Variants in SLAIN2 observed in about 807,000 individuals in gnomAD.
SLAIN2 encodes SLAIN motif-containing protein 2.
SLAIN2 carries 31 observed loss-of-function variants against 56.6 expected under a neutral mutation model. The ratio of observed to expected loss-of-function variants is 0.55; its 90% CI spans 0.41 to 0.74. The LOEUF (loss-of-function observed/expected upper bound fraction) is 0.74. Among genes scored for constraint, SLAIN2 ranks in the 30% least tolerant of loss-of-function variants. SLAIN2 has a pLI of 0.00. For missense variants in SLAIN2, 777 were observed against 754.2 expected, an observed-to-expected ratio of 1.03 and a Z score of -0.35; for synonymous variants, 317 against 284.9, an observed-to-expected ratio of 1.11 and a Z score of -1.13.
At chr4:48,420,103 GT>G (rs775170051) in intron 6 of SLAIN2, 21 bp from the exon 7 acceptor site, 1 of 1,610,142 alleles carries the variant, frequency 6.2e-7, no homozygotes, top group East Asian at 2.2e-5. Flanking sequence ...TCAAAAATTG[GT>G]TTTTCTTTGC....
At position 48,383,632 on chromosome 4, in the gene SLAIN2, A is replaced by C. The variant is rs1462754212; in HGVS notation, c.1223-15A>C. On this transcript the variant is annotated splice_polypyrimidine_tract_variant and intron_variant, in intron 5 of 7. Coordinates refer to ENST00000264313, the MANE Select transcript of SLAIN2 (RefSeq NM_020846.2). ...GAAAGAATATGATTTTTTTAAAATT[A>C]AAATTCTGTTGCAGAAAAACTAAGA... 1.3e-6 allele frequency: 2 copies of C among 1,493,972 alleles called. No individual in the cohort carries two copies. The highest frequency in any genetic ancestry group is 2.7e-5 in the South Asian group (2 of 73,290). 92.5% of individuals were successfully genotyped at this position (1,493,972 alleles called of 1,614,324 possible). A position where few individuals can be genotyped will look rare whatever the true frequency, so the allele number is the denominator to read the frequency against.
At chr4:48,360,981 C>T (rs1362735240) in intron 1 of SLAIN2, among the ~76,000 whole-genome samples, 1 of 152,170 alleles carries the variant, frequency 6.6e-6, no homozygotes, top group Non-Finnish European at 1.5e-5. Flanking sequence ...TAAATACCAA[C>T]TCAAAAAATT....
chr4:48,407,176 C>T (rs4459965), intron 6 of SLAIN2, among the ~76,000 whole-genome samples: 151,782 of 152,152 alleles, frequency 1, 75,709 homozygotes, highest in Middle Eastern at 1. Flanking sequence ...TGCCTTCTCT[C>T]GAATTATTTT....
chr4:48,380,190 C>G (rs1374431556), intron 4 of SLAIN2, among the ~76,000 whole-genome samples: 3 of 152,072 alleles, frequency 2.0e-5, no homozygotes, highest in Non-Finnish European at 4.4e-5. Flanking sequence ...TGTAAACCAG[C>G]GTTTCTCAAT....
intron 5 of SLAIN2, among the ~76,000 whole-genome samples, chr4:48,383,168 CAAAAAAAAA>C (rs34436951): frequency 1.0e-5 from 1 of 95,548 alleles, no homozygotes; most frequent in Non-Finnish European, 2.1e-5. Flanking sequence ...ATCCTGTTTT[CAAAAAAAAA>C]AAAAAAAAAA....
chr4:48,401,345 C>T (rs950402212), intron 6 of SLAIN2, among the ~76,000 whole-genome samples: 3 of 152,052 alleles, frequency 2.0e-5, no homozygotes, highest in Non-Finnish European at 2.9e-5. Flanking sequence ...TTTTCTGTCT[C>T]GATGTTCTGT....
intron 6 of SLAIN2, among the ~76,000 whole-genome samples, chr4:48,402,493 A>G (rs1716579936): frequency 6.6e-6 from 1 of 151,994 alleles, no homozygotes; most frequent in Non-Finnish European, 1.5e-5. Context: ...TGCCTGTCTT[A>G]TTTCAGAAAA....
intron 6 of SLAIN2, among the ~76,000 whole-genome samples, chr4:48,405,415 TTCTC>T (rs150048834): frequency 2.7e-5 from 4 of 150,620 alleles, no homozygotes; most frequent in African/African-American, 7.3e-5. Context: ...TCCATTTCTT[TTCTC>T]TCTCTCTCTC....
In SLAIN2 at chr4:48,420,390, T is replaced by G. The variant is rs767652930; in HGVS notation, c.1626T>G (p.Pro542=). ...GTGGCTTGCCCAGACCCAGTGCCCC[T>G]TCTGCTGGGGGCATACCAGTGCCTC... ...MRSGLPRPSA[P]SAGGIPVPRS... The change falls in exon 7 of 8, where the codon CCT becomes CCG. Residue 542 remains proline (P), a synonymous_variant. Transcript: ENST00000264313. 1 of 1,614,000 alleles carries G rather than the reference T, an allele frequency of 6.2e-7. No homozygotes were observed. The highest frequency in any genetic ancestry group is 1.1e-5 in the South Asian group (1 of 91,092).
At chr4:48,369,070 A>G (rs1390547180) in intron 1 of SLAIN2, among the ~76,000 whole-genome samples, 1 of 152,230 alleles carries the variant, frequency 6.6e-6, no homozygotes, top group Admixed American at 6.5e-5. Flanking sequence ...TGCTTCATAA[A>G]TTCCATTTAA....
chr4:48,394,203 C>T (rs1439039988), intron 6 of SLAIN2, among the ~76,000 whole-genome samples: 2 of 152,110 alleles, frequency 1.3e-5, no homozygotes, highest in Non-Finnish European at 2.9e-5. Flanking sequence ...GCTTTTTTTG[C>T]GTTGAACAAG....
chr4:48,385,998 C>T (rs1414838573), intron 6 of SLAIN2, among the ~76,000 whole-genome samples: 2 of 145,956 alleles, frequency 1.4e-5, no homozygotes, highest in African/African-American at 5.1e-5. Flanking sequence ...GTCCCAGCTA[C>T]TTAAGAGGCT....
Position 48,344,479 on chromosome 4 carries a change from G to C in SLAIN2, c.389+2351G>C, listed in dbSNP as rs544436147. 2.0e-5 allele frequency among the ~76,000 whole-genome samples: 3 copies of C among 152,334 alleles called. No individual in the cohort carries two copies. The East Asian group carries it at 5.8e-4, about 29-fold the overall frequency. ...TCAATAAGTGTTATGTAGAAAAAAAGTGGGTGGGTTCTGGGATGGAATAAA... is the reference window on the plus strand; with the variant it reads ...TCAATAAGTGTTATGTAGAAAAAAACTGGGTGGGTTCTGGGATGGAATAAA... On this transcript the variant is annotated intron_variant, in intron 1 of 7. Transcript: ENST00000264313.
rs1227031111 is a variant in SLAIN2 at position 48,341,874 on chromosome 4, G to T, written c.135G>T (p.Gly45=). 1 of 1,516,132 alleles carries T rather than the reference G, an allele frequency of 6.6e-7. No homozygotes were observed. The highest frequency in any genetic ancestry group is 8.8e-7 in the Non-Finnish European group (1 of 1,132,976). 93.9% of individuals were successfully genotyped at this position (1,516,132 alleles called of 1,614,324 possible). A position where few individuals can be genotyped will look rare whatever the true frequency, so the allele number is the denominator to read the frequency against. ...CCGTGCAGGGCGCCGGCTCCCTTGG[G>T]CCCGGCAGCCCGGTTCGGGCCGGCG... ...SGAVQGAGSL[G]PGSPVRAGAS... Residue 45 remains glycine (G), a synonymous_variant, in exon 1 of 8, where the codon GGG becomes GGT. Transcript: ENST00000264313.
intron 3 of SLAIN2, among the ~76,000 whole-genome samples, chr4:48,378,587 C>A (rs957825945): frequency 3.3e-5 from 5 of 152,198 alleles, no homozygotes; most frequent in African/African-American, 1.2e-4. Context: ...TCACAATTCA[C>A]CCATTTATTT....
chr4:48,386,090 GAAAAAAAA>G (rs763740224), intron 6 of SLAIN2, among the ~76,000 whole-genome samples: 1 of 76,842 alleles, frequency 1.3e-5, no homozygotes, highest in Non-Finnish European at 2.9e-5. Context: ...TCTATTGAAA[GAAAAAAAA>G]AAAAAAAAAA....
At position 48,356,373 on chromosome 4, in the gene SLAIN2, G is replaced by C. The variant is rs1455335973; in HGVS notation, c.390-13476G>C. ...TTAGTAATTGCTATCTATATATGCAGTTGTAGCTGAAAAGATCTGTACTAG... is the reference window on the plus strand; with the variant it reads ...TTAGTAATTGCTATCTATATATGCACTTGTAGCTGAAAAGATCTGTACTAG... On this transcript the variant is annotated intron_variant, in intron 1 of 7. Coordinates refer to ENST00000264313, the MANE Select transcript of SLAIN2 (RefSeq NM_020846.2). 3.3e-5 allele frequency among the ~76,000 whole-genome samples: 5 copies of C among 152,084 alleles called. No individual in the cohort carries two copies. The South Asian group carries it at 1.0e-3, about 32-fold the overall frequency.
In SLAIN2 at chr4:48,341,834, G is replaced by T; in HGVS notation, c.95G>T (p.Arg32Met). 1 of 1,529,566 alleles carries T rather than the reference G, an allele frequency of 6.5e-7. No homozygotes were observed. The highest frequency in any genetic ancestry group is 8.8e-7 in the Non-Finnish European group (1 of 1,138,532). The allele number at this position is 1,529,566 out of a possible 1,614,324, so 94.7% of individuals were successfully genotyped here. A position where few individuals can be genotyped will look rare whatever the true frequency, so the allele number is the denominator to read the frequency against. Reference protein sequence around the residue: ...KKLEKQNEQLRSRSGAVQGAG... With the variant: ...KKLEKQNEQLMSRSGAVQGAG... ...CTGGAGAAGCAGAACGAACAGCTGA[G>T]GAGCCGCTCGGGGGCCGTGCAGGGC... Residue 32 changes from arginine (R) to methionine (M), a missense_variant, in exon 1 of 8, where the codon AGG becomes ATG. Transcript: ENST00000264313.
chr4:48,385,732 C>G (rs1716082625), intron 6 of SLAIN2, among the ~76,000 whole-genome samples: 1 of 151,188 alleles, frequency 6.6e-6, no homozygotes, highest in Non-Finnish European at 1.5e-5. Context: ...TTCCTGGGCT[C>G]AAGTGATCCT....
Sources: gnomAD v4.1 joint callset for allele counts (sites outside exome capture counted in the v4.1 genomes callset) on GRCh38, gnomAD v4.1.1 for gene constraint, MANE v1.5 for transcripts, NCBI Gene and HGNC (gene_info 2026-07-23, HGNC 2026-07-21) for gene names.